Variants in GUCY1A2 observed in about 807,000 individuals in gnomAD.
GUCY1A2 encodes the protein guanylate cyclase soluble subunit alpha-2.
In GUCY1A2, 27 loss-of-function variants were observed where a neutral mutation model predicts 63.5. The ratio of observed to expected loss-of-function variants is 0.43; its 90% CI spans 0.31 to 0.59. The LOEUF (loss-of-function observed/expected upper bound fraction) is 0.59. Among genes scored for constraint, GUCY1A2 ranks in the 20% least tolerant of loss-of-function variants. GUCY1A2 has a pLI of 0.11. For synonymous variants in GUCY1A2, 364 were observed against 343.5 expected, an observed-to-expected ratio of 1.06 and a Z score of -0.66; for missense variants, 768 against 913.3, an observed-to-expected ratio of 0.84 and a Z score of 2.05.
At chr11:106,979,752 C>T (rs997610144) in intron 2 of GUCY1A2, among the ~76,000 whole-genome samples, 2 of 152,112 alleles carry the variant, frequency 1.3e-5, no homozygotes, top group African/African-American at 4.8e-5. Context: ...CTCCCACATT[C>T]CAAAGGGGTA....
chr11:106,939,649 G>A lies in GUCY1A2; in HGVS notation c.1017C>T (p.Val339=). 3.7e-6 allele frequency: 6 copies of A among 1,613,860 alleles called. No homozygotes were observed. Among genetic ancestry groups the A allele is most frequent in the Non-Finnish European group, 5.1e-6 (6 of 1,179,838 alleles). Residue 339 remains valine, a synonymous_variant, in exon 4 of 8, where the codon GTC becomes GTT. Coordinates refer to ENST00000526355, the MANE Select transcript of GUCY1A2 (RefSeq NM_000855.3). ...FHLMFDPSMS[V]LQLGEGLRKQ... ...TCCTTAGACCTTCCCCCAACTGAAG[G>A]ACTGACATGCTGGGATCAAACATCA...
chr11:106,986,007 G>A, intron 2 of GUCY1A2, 63 bp downstream of exon 2: 1 of 856,256 alleles, frequency 1.2e-6, no homozygotes, highest in Non-Finnish European at 2.0e-6. Context: ...ATACTCAACA[G>A]CTATGTTTGA....
intron 6 of GUCY1A2, among the ~76,000 whole-genome samples, chr11:106,771,790 G>A (rs948942622): frequency 1.3e-5 from 2 of 152,006 alleles, no homozygotes; most frequent in Non-Finnish European, 2.9e-5. Flanking sequence ...TCTCCCTTGG[G>A]AAGAATAAAA....
intron 4 of GUCY1A2, chr11:106,936,615 C>A: frequency 7.9e-7 from 1 of 1,259,246 alleles, no homozygotes; most frequent in Non-Finnish European, 1.1e-6. Context: ...AGAATCAAAG[C>A]TTGGTCAAGC....
chr11:106,895,381 T>C (rs903655267), intron 4 of GUCY1A2, among the ~76,000 whole-genome samples: 6 of 152,208 alleles, frequency 3.9e-5, no homozygotes, highest in African/African-American at 4.8e-5. Flanking sequence ...ACTTGTGATA[T>C]GGTTTGGCTG....
chr11:106,753,819 G>T (rs1863925367), intron 6 of GUCY1A2, among the ~76,000 whole-genome samples: 1 of 152,148 alleles, frequency 6.6e-6, no homozygotes, highest in African/African-American at 2.4e-5. Flanking sequence ...TTTGGCTTAG[G>T]ATTGACTTGG....
intron 4 of GUCY1A2, among the ~76,000 whole-genome samples, chr11:106,886,368 T>C (rs1859900464): frequency 1.3e-5 from 2 of 152,088 alleles, no homozygotes; most frequent in South Asian, 2.1e-4. Flanking sequence ...AACAAAATGA[T>C]AAAAGGTGTC....
At chr11:106,874,300 G>A (rs940280767) in intron 4 of GUCY1A2, among the ~76,000 whole-genome samples, 3 of 152,082 alleles carry the variant, frequency 2.0e-5, no homozygotes, top group Non-Finnish European at 2.9e-5. Context: ...ATCGAATACA[G>A]AAACCGAGTA....
chr11:107,012,746 T>C (rs1025218882), intron 1 of GUCY1A2, among the ~76,000 whole-genome samples: 1 of 152,226 alleles, frequency 6.6e-6, no homozygotes, highest in South Asian at 2.1e-4. Context: ...TGTGAAAACA[T>C]TAAACAACTG....
intron 1 of GUCY1A2, among the ~76,000 whole-genome samples, chr11:107,002,477 A>G (rs1861623840): frequency 6.6e-6 from 1 of 152,170 alleles, no homozygotes; most frequent in Non-Finnish European, 1.5e-5. Flanking sequence ...AAACACTTTT[A>G]TAAGTAAAAC....
At chr11:106,941,424 G>C (rs1860751304) in intron 3 of GUCY1A2, among the ~76,000 whole-genome samples, 1 of 152,102 alleles carries the variant, frequency 6.6e-6, no homozygotes, top group Non-Finnish European at 1.5e-5. Flanking sequence ...AAAAGATTTT[G>C]GCCTGCATAT....
intron 5 of GUCY1A2, among the ~76,000 whole-genome samples, chr11:106,792,385 CAAAA>C (rs60149576): frequency 3.5e-5 from 3 of 84,798 alleles, no homozygotes; most frequent in Admixed American, 1.3e-4. Context: ...GACTCCATCT[CAAAA>C]AAAAAAAAAA....
chr11:106,743,677 T>C (rs1222117199), intron 6 of GUCY1A2, among the ~76,000 whole-genome samples: 1 of 152,228 alleles, frequency 6.6e-6, no homozygotes, highest in Admixed American at 6.5e-5. Context: ...ATTTTAATTA[T>C]GTGTTTCTGT....
At chr11:106,777,536 T>C (rs1041396439) in intron 5 of GUCY1A2, among the ~76,000 whole-genome samples, 1 of 151,446 alleles carries the variant, frequency 6.6e-6, no homozygotes, top group African/African-American at 2.4e-5. Flanking sequence ...TGCAGGGACA[T>C]GGTTGAAGCT....
intron 1 of GUCY1A2, among the ~76,000 whole-genome samples, chr11:107,014,169 A>ACCTCTGCC (rs1274165015): frequency 7.3e-6 from 1 of 137,556 alleles, no homozygotes; most frequent in East Asian, 2.2e-4. Flanking sequence ...GCTCACTACA[A>ACCTCTGCC]CCTCTGCCTC....
In GUCY1A2 at chr11:106,939,717, T is replaced by C. The variant is rs777157547; in HGVS notation, c.949A>G (p.Arg317Gly). ...CTACAGAAGGTGTTGATGCTAATTC[T>C]GAGGTCCGCAGGAACTTGGGAGGTT... is the stretch of plus-strand genomic sequence containing the variant. ...QGTSQVPADL[R>G]ISINTFCRAF... Residue 317 changes from arginine (R) to glycine (G), a missense_variant, in exon 4 of 8, where the codon AGA becomes GGA. Arg to Gly is a moderately radical substitution (Grantham distance 125). This residue lies in a region of GUCY1A2 where 496 missense variants were observed against 486.9 expected (regional missense o/e 1.02). Coordinates refer to ENST00000526355, the MANE Select transcript of GUCY1A2 (RefSeq NM_000855.3). 3 of 1,613,818 alleles carry C rather than the reference T, an allele frequency of 1.9e-6. No individual in the cohort carries two copies. The highest frequency in any genetic ancestry group is 3.3e-5 in the Admixed American group (2 of 60,008).
chr11:106,805,612 T>G (rs1858673032), intron 5 of GUCY1A2, among the ~76,000 whole-genome samples: 1 of 152,142 alleles, frequency 6.6e-6, no homozygotes, highest in Admixed American at 6.6e-5. Flanking sequence ...TTTATTCCAC[T>G]TCACTGTTTA....
intron 4 of GUCY1A2, among the ~76,000 whole-genome samples, chr11:106,843,649 G>C (rs1859231597): frequency 6.6e-6 from 1 of 151,762 alleles, no homozygotes; most frequent in Non-Finnish European, 1.5e-5. Context: ...TCAAACACTT[G>C]GAAATTATTG....
intron 4 of GUCY1A2, chr11:106,827,339 C>G (rs1232901245): frequency 2.6e-6 from 4 of 1,558,904 alleles, no homozygotes; most frequent in Non-Finnish European, 3.5e-6. Flanking sequence ...GCTCCTGCAT[C>G]GAAGAAAGTA....
Sources: gnomAD v4.1 joint callset for allele counts (sites outside exome capture counted in the v4.1 genomes callset) on GRCh38, gnomAD v4.1.1 for gene constraint, gnomAD v4.1.1 regional missense constraint, MANE v1.5 for transcripts, NCBI Gene and HGNC (gene_info 2026-07-23, HGNC 2026-07-21) for gene names.